FKBP15: variants seen among roughly 807,000 people sequenced by gnomAD.
FKBP15 encodes FKBP prolyl isomerase family member 15, also known as FK506-binding protein 15.
A neutral mutation model predicts 158.1 loss-of-function variants in FKBP15; 106 were observed. The observed-to-expected ratio is 0.67, with a 90% confidence interval of 0.57 to 0.79. The LOEUF (loss-of-function observed/expected upper bound fraction) is 0.79, where lower values mean the gene tolerates loss of function less well. Among genes scored for constraint, FKBP15 ranks in the 30% least tolerant of loss-of-function variants. The probability of loss-of-function intolerance (pLI) is 0.00; values close to 1 mark genes in which losing one functional copy is unlikely to be tolerated. For synonymous variants in FKBP15, 547 were observed against 548.6 expected, an observed-to-expected ratio of 1.00 and a Z score of 0.04; for missense variants, 1,287 against 1,479.1, an observed-to-expected ratio of 0.87 and a Z score of 2.13.
chr9:113,221,232 C>CG lies in FKBP15; in HGVS notation c.11dup (p.Asp6GlyfsTer32), dbSNP rs1831250649. 1 of 1,608,360 alleles carries CG rather than the reference C, an allele frequency of 6.2e-7. No individual in the cohort carries two copies. The highest frequency in any genetic ancestry group is 1.3e-5 in the African/African-American group (1 of 74,776). On this transcript the variant is annotated frameshift_variant, in exon 1 of 28. Transcript: ENST00000238256. LOFTEE classifies it high-confidence loss of function. ...GGAAATCGGTGTCGTCCTCGTCCCC[C>CG]GCACCGAACATTGCGTTGGCTTTCA...
chr9:113,206,878 G>C (rs112294950), intron 3 of FKBP15: 6 of 428,364 alleles, frequency 1.4e-5, no homozygotes, highest in East Asian at 8.2e-5. Context: ...CACCGCACCC[G>C]GCCCAGCAGT....
Position 113,176,891 on chromosome 9 carries a change from G to C in FKBP15, c.2087-218C>G, listed in dbSNP as rs1441005363. On this transcript the variant is annotated intron_variant, in intron 20 of 27. Transcript: ENST00000238256. ...AGCCTCCCAGAGTGCTAGGATTACAGGCGTGAGCCCCTGCGCCTGGCCCCA... is the reference window on the plus strand; with the variant it reads ...AGCCTCCCAGAGTGCTAGGATTACACGCGTGAGCCCCTGCGCCTGGCCCCA... Among the ~76,000 whole-genome samples the C allele has an allele frequency of 2.0e-5, 3 of 152,170 alleles. No individual in the cohort carries two copies. The East Asian group carries it at 5.8e-4, about 29-fold the overall frequency.
rs189472163 is a variant in FKBP15 at position 113,168,466 on chromosome 9, G to A, written c.3576C>T (p.Asp1192=). The change falls in exon 27 of 28, where the codon GAC becomes GAT. Residue 1192 remains aspartate (D), a synonymous_variant. Transcript: ENST00000238256. ...GTGCCTGGGATTTCCTTACCACCTC[G>A]TCTTCATCCTCCTCCTCAGGCTGTG... The part of the protein sequence containing the change: ...PKAQPEEEDE[D]EVSMKGRPPP... 8.4e-5 allele frequency: 136 copies of A among 1,613,798 alleles called. No homozygotes were observed. The East Asian group carries it at 1.2e-3, about 15-fold the overall frequency.
chr9:113,176,006 G>A (rs1038343761), intron 21 of FKBP15, among the ~76,000 whole-genome samples: 2 of 152,150 alleles, frequency 1.3e-5, no homozygotes, highest in Admixed American at 1.3e-4. Context: ...TCTTACTCAT[G>A]CAATCCATCA....
chr9:113,208,395 A>G (rs1830936291), intron 2 of FKBP15, among the ~76,000 whole-genome samples: 1 of 152,202 alleles, frequency 6.6e-6, no homozygotes. Context: ...ACATTTTCAA[A>G]TACCATGTTA....
chr9:113,171,798 C>CTTTTTT, intron 23 of FKBP15, 92 bp from the exon 24 acceptor site: 1 of 834,330 alleles, frequency 1.2e-6, no homozygotes, highest in Non-Finnish European at 1.6e-6. Context: ...CATCAAGTCT[C>CTTTTTT]TTTTTTTTTT....
rs745331128 is a variant in FKBP15 at position 113,207,241 on chromosome 9, C to T, written c.225G>A (p.Leu75=). The change falls in exon 3 of 28, where the codon CTG becomes CTA. Residue 75 remains leucine, a synonymous_variant. Coordinates refer to ENST00000238256, the MANE Select transcript of FKBP15 (RefSeq NM_015258.2). ...APATMSTPTI[L]VATAVHAYRY... is the part of the protein sequence containing the mutation. ...GATATGCATGGACTGCTGTTGCGAC[C>T]AGTATTGTGGGAGTGCTCATGGTGG... 6 of 1,613,322 alleles carry T rather than the reference C, an allele frequency of 3.7e-6. No homozygotes were observed. In the Admixed American group the frequency reaches 8.3e-5, roughly 22 times the overall value.
chr9:113,206,593 G>T lies in FKBP15; in HGVS notation c.255-15C>A. The T allele has an allele frequency of 6.3e-7, 1 of 1,599,068 alleles. No homozygotes were observed. The highest frequency in any genetic ancestry group is 1.4e-5 in the African/African-American group (1 of 71,100). Reference sequence around the variant, plus strand: ...GACCATTTGTGCTATAAAAGGAAGAGAAACAACAAGTATTAATACTTCCCT... The same window carrying T: ...GACCATTTGTGCTATAAAAGGAAGATAAACAACAAGTATTAATACTTCCCT... On this transcript the variant is annotated splice_polypyrimidine_tract_variant and intron_variant, in intron 3 of 27. Transcript: ENST00000238256.
rs770333133 is a variant in FKBP15 at position 113,199,957 on chromosome 9, T to A, written c.505A>T (p.Ile169Phe). ...AAVEFNKQVC[I>F]AKCNSTSSLD... ...GAAGAGGTACTGTTGCACTTAGCAA[T>A]GCACACCTGCAAGACAAAATCAAAG... The change falls in exon 7 of 28, where the codon ATT (isoleucine) becomes TTT (phenylalanine). Residue 169 changes from isoleucine to phenylalanine, a missense_variant. Physicochemically the swap from Ile to Phe is conservative, Grantham distance 21 (BLOSUM62 0). Coordinates refer to ENST00000238256, the MANE Select transcript of FKBP15 (RefSeq NM_015258.2). 1 of 1,611,002 alleles carries A rather than the reference T, an allele frequency of 6.2e-7. No individual in the cohort carries two copies. The highest frequency in any genetic ancestry group is 1.3e-5 in the African/African-American group (1 of 74,830).
chr9:113,200,008 TAAGTAC>T, intron 6 of FKBP15, 45 bp from the exon 7 acceptor site: 1 of 1,573,034 alleles, frequency 6.4e-7, no homozygotes, highest in Non-Finnish European at 8.6e-7. Context: ...TTAAGCTCAA[TAAGTAC>T]TCATTCCTTT....
rs369950310 is a variant in FKBP15, at chr9:113,176,753, T to A, written c.2087-80A>T. On this transcript the variant is annotated intron_variant, in intron 20 of 27. Coordinates refer to ENST00000238256, the MANE Select transcript of FKBP15 (RefSeq NM_015258.2). ...TGTGTTATCCCAGCAGCTCTTTTTT[T>A]AAATTATTTTTTGGAGACAAAGCCT... 3.7e-5 allele frequency: 54 copies of A among 1,472,204 alleles called. No individual in the cohort carries two copies. The African/African-American group carries it at 5.0e-4, about 14-fold the overall frequency. The allele number at this position is 1,472,204 out of a possible 1,614,324, so 91.2% of individuals were successfully genotyped here.
At chr9:113,213,582 CAA>C (rs34466143) in intron 1 of FKBP15, among the ~76,000 whole-genome samples, 72,757 of 140,266 alleles carry the variant, frequency 0.52, 18,142 homozygotes, top group South Asian at 0.62. Flanking sequence ...TCCCCCGAAC[CAA>C]AAAAAAAAAA....
At chr9:113,217,933 A>C (rs967816349) in intron 1 of FKBP15, among the ~76,000 whole-genome samples, 6 of 152,178 alleles carry the variant, frequency 3.9e-5, no homozygotes, top group Non-Finnish European at 7.4e-5. Flanking sequence ...CTATGTTGGC[A>C]AGAATGAGCT....
In FKBP15 at chr9:113,221,123, ACCC is replaced by A; in HGVS notation, c.53+65_53+67del. The A allele has an allele frequency of 2.0e-6, 3 of 1,494,446 alleles. No individual in the cohort carries two copies. The Admixed American group carries it at 5.9e-5, about 29-fold the overall frequency. The allele number at this position is 1,494,446 out of a possible 1,614,324, so 92.6% of individuals were successfully genotyped here. A position where few individuals can be genotyped will look rare whatever the true frequency, so the allele number is the denominator to read the frequency against. On this transcript the variant is annotated intron_variant, in intron 1 of 27. Transcript: ENST00000238256. Reference sequence around the variant, plus strand: ...TGGGAAAAGGCCTGAGAAGAGATCGACCCCCCTCCAACAATCCGCCGGTATCTC... The same window carrying A: ...TGGGAAAAGGCCTGAGAAGAGATCGACCCTCCAACAATCCGCCGGTATCTC...
chr9:113,174,783 G>A (rs201982259), intron 21 of FKBP15, among the ~76,000 whole-genome samples, 200 bp from the exon 22 acceptor site: 1 of 152,176 alleles, frequency 6.6e-6, no homozygotes, highest in East Asian at 1.9e-4. Context: ...AAAACAAGAA[G>A]AGCTGTATCT....
intron 11 of FKBP15, among the ~76,000 whole-genome samples, chr9:113,191,925 A>C (rs1349582661): frequency 1.3e-5 from 2 of 151,928 alleles, no homozygotes; most frequent in South Asian, 2.1e-4. Context: ...AAATGTAATT[A>C]CCTATTCAAA....
intron 1 of FKBP15, among the ~76,000 whole-genome samples, chr9:113,220,795 G>A (rs536403475): frequency 6.6e-6 from 1 of 152,310 alleles, no homozygotes; most frequent in East Asian, 1.9e-4. Flanking sequence ...GAATGCTAGA[G>A]CTGACCCACC....
At chr9:113,178,480 A>T (rs1443865741) in intron 20 of FKBP15, 150 bp downstream of exon 20, 13 of 699,470 alleles carry the variant, frequency 1.9e-5, no homozygotes, top group Non-Finnish European at 3.0e-5. Flanking sequence ...TAAAACAATC[A>T]TGTAGGTTTT....
chr9:113,161,558 A>C lies in FKBP15; in HGVS notation c.*4520T>G, dbSNP rs1830012621. The C allele has an allele frequency of 6.2e-7, 1 of 1,613,922 alleles. No individual in the cohort carries two copies. Among genetic ancestry groups the C allele is most frequent in the South Asian group, 1.1e-5 (1 of 91,088 alleles). On this transcript the variant is annotated 3_prime_UTR_variant, in exon 28 of 28. Coordinates refer to ENST00000238256, the MANE Select transcript of FKBP15 (RefSeq NM_015258.2). ...TCCTGCTTCTGGCTGTACTGTATGA[A>C]GGCATCAAGGTTGGCAAAGCCAAGC...
Sources: gnomAD v4.1 joint callset for allele counts (sites outside exome capture counted in the v4.1 genomes callset) on GRCh38, gnomAD v4.1.1 for gene constraint, MANE v1.5 for transcripts, NCBI Gene and HGNC (gene_info 2026-07-23, HGNC 2026-07-21) for gene names.